TRAPPC9: variants seen among roughly 807,000 people sequenced by gnomAD.
TRAPPC9 encodes trafficking protein particle complex subunit 9, also known as IKK2 binding protein.
TRAPPC9 carries 83 observed loss-of-function variants against 124.0 expected under a neutral mutation model. The ratio of observed to expected loss-of-function variants is 0.67; its 90% CI spans 0.56 to 0.80. The LOEUF is 0.80. Among genes scored for constraint, TRAPPC9 ranks in the 30% least tolerant of loss-of-function variants. The pLI is 0.00. For missense variants in TRAPPC9, 1,302 were observed against 1,508.3 expected, an observed-to-expected ratio of 0.86 and a Z score of 2.27; for synonymous variants, 638 against 617.5, an observed-to-expected ratio of 1.03 and a Z score of -0.49.
intron 21 of TRAPPC9, among the ~76,000 whole-genome samples, chr8:139,855,645 G>A (rs1827754242): frequency 6.6e-6 from 1 of 152,172 alleles, no homozygotes; most frequent in Admixed American, 6.5e-5. Flanking sequence ...TATGCGGTCA[G>A]CCCAGGCCCT....
chr8:139,958,841 C>A (rs1379965495), intron 19 of TRAPPC9, among the ~76,000 whole-genome samples: 1 of 152,224 alleles, frequency 6.6e-6, no homozygotes, highest in African/African-American at 2.4e-5. Context: ...GTGACCACTG[C>A]CCTCGGGAAC....
chr8:139,731,126 C>T lies in TRAPPC9; in HGVS notation c.3382G>A (p.Glu1128Lys), dbSNP rs1335057069. The change falls in exon 23 of 23, where the codon GAG (glutamate) becomes AAG (lysine). Residue 1128 changes from glutamate to lysine, a missense_variant. Physicochemically the swap from Glu to Lys is moderately conservative, Grantham distance 56. Coordinates refer to ENST00000438773, the MANE Select transcript of TRAPPC9 (RefSeq NM_001160372.4). ...AGGCAGAACCAAGAGGGTGGCAGCT[C>T]CTTGCTGGTGCTGTCCTCGTGGAAC... The part of the protein sequence containing the change: ...IRFHEDSTSK[E>K]LPPSWFCLPS... The T allele has an allele frequency of 6.2e-7, 1 of 1,613,962 alleles. No individual in the cohort carries two copies. Among genetic ancestry groups the T allele is most frequent in the East Asian group, 2.2e-5 (1 of 44,866 alleles).
intron 21 of TRAPPC9, among the ~76,000 whole-genome samples, chr8:139,766,749 T>A (rs1820611001): frequency 6.6e-6 from 1 of 152,052 alleles, no homozygotes; most frequent in South Asian, 2.1e-4. Context: ...AGACAACAGA[T>A]CGGTCTCAGG....
At chr8:139,896,274 A>T (rs1442193559) in intron 20 of TRAPPC9, among the ~76,000 whole-genome samples, 2 of 152,206 alleles carry the variant, frequency 1.3e-5, no homozygotes, top group Non-Finnish European at 2.9e-5. Context: ...GGTGGCTACT[A>T]TCTCTTAAAT....
intron 19 of TRAPPC9, chr8:139,933,705 T>C (rs752365603): frequency 1.3e-5 from 2 of 152,296 alleles, no homozygotes; most frequent in Non-Finnish European, 2.9e-5. Flanking sequence ...CCTTGGCCAA[T>C]CCCTGTCTTG....
chr8:140,075,204 GGAGTTAC>G (rs1406160772), intron 17 of TRAPPC9, among the ~76,000 whole-genome samples: 1 of 152,140 alleles, frequency 6.6e-6, no homozygotes, highest in Non-Finnish European at 1.5e-5. Context: ...CTTATAAAAT[GGAGTTAC>G]CGACACCTAC....
At chr8:140,289,178 TG>T (rs1563919911) in intron 12 of TRAPPC9, among the ~76,000 whole-genome samples, 2 of 17,294 alleles carry the variant, frequency 1.2e-4, no homozygotes, top group African/African-American at 7.9e-4. Flanking sequence ...ATATATAGTG[TG>T]TGTGTGTGTG....
chr8:140,078,066 T>C (rs1274668347), intron 17 of TRAPPC9, among the ~76,000 whole-genome samples: 1 of 152,228 alleles, frequency 6.6e-6, no homozygotes, highest in Non-Finnish European at 1.5e-5. Flanking sequence ...AGCATGCAGT[T>C]CATCTCCATT....
rs116776675 is a variant in TRAPPC9, at chr8:140,431,891, C to G, written c.859+3221G>C. On this transcript the variant is annotated intron_variant, in intron 4 of 22. Transcript: ENST00000438773. The stretch of plus-strand genomic sequence containing the variant: ...TTAAGGTGCTCCAGACAGTTTCTAT[C>G]TCTTTTATAAATCATGGCTGACTGC... Among the ~76,000 whole-genome samples, 1,020 of 152,344 alleles carry G rather than the reference C, an allele frequency of 6.7e-3. 11 individuals carry two copies. The highest frequency in any genetic ancestry group is 0.023 in the African/African-American group (942 of 41,574).
At chr8:140,300,688 T>A in intron 10 of TRAPPC9, 74 bp from the exon 11 acceptor site, 3 of 1,576,948 alleles carry the variant, frequency 1.9e-6, no homozygotes, top group Non-Finnish European at 1.7e-6. Flanking sequence ...TAACCAAACA[T>A]GATGTATCAG....
chr8:140,426,232 G>A (rs867138452), intron 5 of TRAPPC9, among the ~76,000 whole-genome samples: 3 of 152,158 alleles, frequency 2.0e-5, no homozygotes, highest in South Asian at 4.1e-4. Flanking sequence ...ACACACAGAC[G>A]AAATGCAGTA....
intron 9 of TRAPPC9, among the ~76,000 whole-genome samples, chr8:140,324,408 T>A (rs546575657): frequency 6.6e-6 from 1 of 152,278 alleles, no homozygotes; most frequent in African/African-American, 2.4e-5. Flanking sequence ...AAGTAAAACC[T>A]GATAGAAATA....
chr8:140,010,265 T>C (rs1270939162), intron 18 of TRAPPC9, among the ~76,000 whole-genome samples: 1 of 152,192 alleles, frequency 6.6e-6, no homozygotes, highest in Non-Finnish European at 1.5e-5. Context: ...GAAAGATGGA[T>C]GAATAATCTC....
intron 21 of TRAPPC9, among the ~76,000 whole-genome samples, chr8:139,885,420 A>G (rs1246515904): frequency 6.6e-6 from 1 of 152,198 alleles, no homozygotes; most frequent in Non-Finnish European, 1.5e-5. Flanking sequence ...CTGTCCATGC[A>G]TAGTCGTGGT....
At chr8:140,067,432 C>T (rs892469491) in intron 17 of TRAPPC9, among the ~76,000 whole-genome samples, 1 of 152,164 alleles carries the variant, frequency 6.6e-6, no homozygotes, top group Non-Finnish European at 1.5e-5. Context: ...CCTGAGCCAC[C>T]ACGCCCCACC....
chr8:139,852,368 A>C (rs2130936520), intron 21 of TRAPPC9, among the ~76,000 whole-genome samples: 1 of 152,256 alleles, frequency 6.6e-6, no homozygotes, highest in South Asian at 2.1e-4. Context: ...GTGTGCGCCC[A>C]TGTTATTTCT....
intron 17 of TRAPPC9, among the ~76,000 whole-genome samples, chr8:140,108,624 AGGGT>A (rs1041308935): frequency 6.6e-6 from 1 of 152,214 alleles, no homozygotes; most frequent in African/African-American, 2.4e-5. Flanking sequence ...GCCTGTTTGA[AGGGT>A]GGTTGTCAGA....
chr8:140,188,126 G>A (rs2062393196), intron 17 of TRAPPC9, among the ~76,000 whole-genome samples: 1 of 152,210 alleles, frequency 6.6e-6, no homozygotes. Flanking sequence ...ATGGGAGAAG[G>A]AGAAGCTAAA....
chr8:140,003,102 T>A (rs540759859), intron 18 of TRAPPC9, among the ~76,000 whole-genome samples: 1 of 152,096 alleles, frequency 6.6e-6, no homozygotes, highest in Non-Finnish European at 1.5e-5. Context: ...ACAAATTACA[T>A]ACCAGATAAA....
Sources: gnomAD v4.1 joint callset for allele counts (sites outside exome capture counted in the v4.1 genomes callset) on GRCh38, gnomAD v4.1.1 for gene constraint, MANE v1.5 for transcripts, NCBI Gene and HGNC (gene_info 2026-07-23, HGNC 2026-07-21) for gene names.